Variants in OR6K3 observed in about 807,000 individuals in gnomAD.
The protein encoded by OR6K3 is olfactory receptor family 6 subfamily K member 3.
For missense variants in OR6K3, 396 were observed against 382.5 expected, an observed-to-expected ratio of 1.04 and a Z score of -0.29; for synonymous variants, 169 against 137.7, an observed-to-expected ratio of 1.23 and a Z score of -1.59.
upstream of OR6K3, among the ~76,000 whole-genome samples, chr1:158,722,683 C>T (rs1258876433): frequency 6.6e-6 from 1 of 152,032 alleles, no homozygotes; most frequent in Non-Finnish European, 1.5e-5. Flanking sequence ...CTCATGTACT[C>T]ATACCTGAGG....
chr1:158,717,003 G>C lies in OR6K3; in HGVS notation c.*165C>G, dbSNP rs913463656. On this transcript the variant is annotated 3_prime_UTR_variant, in exon 2 of 2. Coordinates refer to ENST00000368145, the MANE Select transcript of OR6K3 (RefSeq NM_001005327.3). Reference sequence around the variant, plus strand: ...TGTGGTGGTGCATGCCTGTAATCGCGGCTACTAGGGAGGCTGAGGCAGGAG... The same window carrying C: ...TGTGGTGGTGCATGCCTGTAATCGCCGCTACTAGGGAGGCTGAGGCAGGAG... The C allele has an allele frequency of 6.8e-6, 4 of 587,562 alleles. No homozygotes were observed. Among genetic ancestry groups the C allele is most frequent in the South Asian group, 2.0e-5 (1 of 49,690 alleles). 36.4% of individuals were successfully genotyped at this position (587,562 alleles called of 1,614,324 possible).
upstream of OR6K3, among the ~76,000 whole-genome samples, chr1:158,722,835 A>C (rs562873321): frequency 8.5e-5 from 13 of 152,140 alleles, no homozygotes; most frequent in African/African-American, 3.1e-4. Flanking sequence ...CTATCCAATA[A>C]ACAGAATCAA....
chr1:158,719,320 T>C (rs73013604), intron 1 of OR6K3, among the ~76,000 whole-genome samples: 2,652 of 152,102 alleles, frequency 0.017, 70 homozygotes, highest in African/African-American at 0.06. Context: ...CAACCTCTTA[T>C]AGTTTTATAC....
upstream of OR6K3, among the ~76,000 whole-genome samples, chr1:158,722,471 C>T (rs1656301820): frequency 1.3e-5 from 2 of 151,948 alleles, no homozygotes; most frequent in African/African-American, 4.8e-5. Flanking sequence ...TCCATTGTGA[C>T]TGGGAAATTT....
At chr1:158,723,364 G>A (rs1656322328), upstream of OR6K3, among the ~76,000 whole-genome samples, 1 of 151,812 alleles carries the variant, frequency 6.6e-6, no homozygotes. Context: ...ATTCAACTTG[G>A]CTCCAGATAA....
intron 1 of OR6K3, among the ~76,000 whole-genome samples, chr1:158,718,934 CT>C (rs1223550245): frequency 1.3e-5 from 2 of 152,008 alleles, no homozygotes; most frequent in Non-Finnish European, 2.9e-5. Flanking sequence ...GTGATACAAT[CT>C]ACCTCTCTGC....
chr1:158,720,496 A>G (rs1237145536), intron 1 of OR6K3, among the ~76,000 whole-genome samples, 187 bp downstream of exon 1: 7 of 152,006 alleles, frequency 4.6e-5, no homozygotes, highest in African/African-American at 1.4e-4. Context: ...ATGCTGTTTC[A>G]TATATACCCA....
chr1:158,717,232 T>A lies in OR6K3; in HGVS notation c.884A>T (p.Asp295Val). The A allele has an allele frequency of 6.2e-7, 1 of 1,613,692 alleles. No individual in the cohort carries two copies. The highest frequency in any genetic ancestry group is 8.5e-7 in the Non-Finnish European group (1 of 1,179,704). ...NPIIYSLRNK[D>V]MNNAIKKLFC... is the part of the protein sequence containing the mutation. ...CAGTTTTTTAATCGCATTGTTCATG[T>A]CCTTGTTTCTCAGGCTATAAATGAT... Residue 295 changes from aspartate to valine, a missense_variant, in exon 2 of 2, where the codon GAC becomes GTC. Physicochemically the swap from Asp to Val is radical, Grantham distance 152. Coordinates refer to ENST00000368145, the MANE Select transcript of OR6K3 (RefSeq NM_001005327.3).
Position 158,716,384 on chromosome 1 carries a change from A to G in OR6K3, c.*784T>C, listed in dbSNP as rs565361462. The G allele has an allele frequency of 1.8e-4, 28 of 152,254 alleles. No homozygotes were observed. Among genetic ancestry groups the G allele is most frequent in the African/African-American group, 6.5e-4 (27 of 41,580 alleles). 9.4% of individuals were successfully genotyped at this position (152,254 alleles called of 1,614,324 possible). The stretch of plus-strand genomic sequence containing the variant: ...TAATTATTCTAATGAATAGGTAACT[A>G]CATAACTAAAAATAAAGATATAACT... On this transcript the variant is annotated 3_prime_UTR_variant, in exon 2 of 2. Coordinates refer to ENST00000368145, the MANE Select transcript of OR6K3 (RefSeq NM_001005327.3).
In OR6K3 at chr1:158,717,032, T is replaced by G. The variant is rs1656162259; in HGVS notation, c.*136A>C. On this transcript the variant is annotated 3_prime_UTR_variant, in exon 2 of 2. Transcript: ENST00000368145. The stretch of plus-strand genomic sequence containing the variant: ...ACTAGGGAGGCTGAGGCAGGAGAAT[T>G]GTTCAAAACCAGGAGGTGGAGGTTG... 1 of 668,876 alleles carries G rather than the reference T, an allele frequency of 1.5e-6. No individual in the cohort carries two copies. Among genetic ancestry groups the G allele is most frequent in the African/African-American group, 1.8e-5 (1 of 55,258 alleles). The allele number at this position is 668,876 out of a possible 1,614,324, so 41.4% of individuals were successfully genotyped here. A position where few individuals can be genotyped will look rare whatever the true frequency, so the allele number is the denominator to read the frequency against.
Position 158,716,677 on chromosome 1 carries a change from A to C in OR6K3, c.*491T>G, listed in dbSNP as rs1323144236. 6.5e-6 allele frequency: 1 copy of C among 154,214 alleles called. No individual in the cohort carries two copies. The highest frequency in any genetic ancestry group is 1.4e-5 in the Non-Finnish European group (1 of 69,378). 9.6% of individuals were successfully genotyped at this position (154,214 alleles called of 1,614,324 possible). On this transcript the variant is annotated 3_prime_UTR_variant, in exon 2 of 2. Transcript: ENST00000368145. ...GCCACATAATAAGGTTCCTCATGAT[A>C]TGCACAGCAACTTTTATAACGATGA...
upstream of OR6K3, chr1:158,724,353 G>C (rs1656341427): frequency 5.5e-6 from 1 of 182,650 alleles, no homozygotes; most frequent in East Asian, 1.4e-4. Context: ...AGGTAGAAAA[G>C]GCCTTCTGGC....
Position 158,720,668 on chromosome 1 carries a change from G to A in OR6K3, c.-18+15C>T, listed in dbSNP as rs1312810953. On this transcript the variant is annotated intron_variant, in intron 1 of 1. Transcript: ENST00000368145. ...ATGAATTCGGTCTCTTTATGACTTA[G>A]TCATCTACACTCACCTTTGCCAAAA... 6.6e-6 allele frequency: 1 copy of A among 151,938 alleles called. No individual in the cohort carries two copies. Among genetic ancestry groups the A allele is most frequent in the Non-Finnish European group, 1.5e-5 (1 of 67,958 alleles). The allele number at this position is 151,938 out of a possible 1,614,324, so 9.4% of individuals were successfully genotyped here.
upstream of OR6K3, chr1:158,724,798 C>A: frequency 4.5e-6 from 1 of 219,918 alleles, no homozygotes; most frequent in Non-Finnish European, 9.8e-6. Context: ...GGTCCTCTGC[C>A]TGCTGATGAG....
In OR6K3 at chr1:158,717,095, G is replaced by C; in HGVS notation, c.*73C>G. The C allele has an allele frequency of 9.5e-7, 1 of 1,049,186 alleles. No homozygotes were observed. Among genetic ancestry groups the C allele is most frequent in the Non-Finnish European group, 1.4e-6 (1 of 697,242 alleles). The allele number at this position is 1,049,186 out of a possible 1,614,324, so 65.0% of individuals were successfully genotyped here. A position where few individuals can be genotyped will look rare whatever the true frequency, so the allele number is the denominator to read the frequency against. ...ATCATGCCATTGCACTCCAGCCCAG[G>C]CAACAAGAGTGAAACTCCATCTCAA... On this transcript the variant is annotated 3_prime_UTR_variant, in exon 2 of 2. Coordinates refer to ENST00000368145, the MANE Select transcript of OR6K3 (RefSeq NM_001005327.3).
At chr1:158,722,362 T>C (rs918985187), upstream of OR6K3, among the ~76,000 whole-genome samples, 1 of 152,050 alleles carries the variant, frequency 6.6e-6, no homozygotes, top group African/African-American at 2.4e-5. Flanking sequence ...TGTTTTGTTT[T>C]AGTAGCCTCA....
upstream of OR6K3, among the ~76,000 whole-genome samples, chr1:158,721,791 T>C (rs1049341740): frequency 6.6e-6 from 1 of 151,976 alleles, no homozygotes; most frequent in African/African-American, 2.4e-5. Context: ...ATGTAATATT[T>C]GGCTCTTCAT....
intron 1 of OR6K3, 121 bp downstream of exon 1, chr1:158,720,562 C>T (rs1466132163): frequency 6.6e-6 from 1 of 151,988 alleles, no homozygotes; most frequent in Non-Finnish European, 1.5e-5. Context: ...GCCTTCCACC[C>T]TTATTCAAAG....
rs1558014034 is a variant in OR6K3, at chr1:158,716,693, A to T, written c.*475T>A. The stretch of plus-strand genomic sequence containing the variant: ...CCTCATGATATGCACAGCAACTTTT[A>T]TAACGATGACACAGAGAGTATAAAT... On this transcript the variant is annotated 3_prime_UTR_variant, in exon 2 of 2. Transcript: ENST00000368145. The T allele has an allele frequency of 6.5e-6, 1 of 154,422 alleles. No individual in the cohort carries two copies. Among genetic ancestry groups the T allele is most frequent in the Non-Finnish European group, 1.4e-5 (1 of 69,476 alleles). The allele number at this position is 154,422 out of a possible 1,614,324, so 9.6% of individuals were successfully genotyped here. A position where few individuals can be genotyped will look rare whatever the true frequency, so the allele number is the denominator to read the frequency against.
Sources: gnomAD v4.1 joint callset for allele counts (sites outside exome capture counted in the v4.1 genomes callset) on GRCh38, gnomAD v4.1.1 for gene constraint, MANE v1.5 for transcripts, NCBI Gene and HGNC (gene_info 2026-07-23, HGNC 2026-07-21) for gene names.